Variants in CPT1C observed in about 807,000 individuals in gnomAD.
CPT1C encodes carnitine palmitoyltransferase 1C.
CPT1C carries 61 observed loss-of-function variants against 97.3 expected under a neutral mutation model. That is an observed-to-expected ratio of 0.63 (90% CI 0.51 to 0.78). The LOEUF (loss-of-function observed/expected upper bound fraction) is 0.78. Among genes scored for constraint, CPT1C ranks in the 30% least tolerant of loss-of-function variants. CPT1C has a pLI of 0.00. For missense variants in CPT1C, 975 were observed against 1,065.5 expected (o/e 0.92, Z 1.18); for synonymous variants, 469 against 447.2 (o/e 1.05, Z -0.61).
chr19:49,701,659 G>T lies in CPT1C; in HGVS notation c.693+25G>T, dbSNP rs750356887. 8.9e-6 allele frequency: 14 copies of T among 1,579,034 alleles called. No individual in the cohort carries two copies. The South Asian group carries it at 1.4e-4, about 15-fold the overall frequency. On this transcript the variant is annotated intron_variant, in intron 7 of 19. Transcript: ENST00000598293. ...TGTGAGTCCCGCCACCGCCACCAAC[G>T]CCCCACCTGAAGGGCTAAGGTTGTG... is the stretch of plus-strand genomic sequence containing the variant.
intron 4 of CPT1C, among the ~76,000 whole-genome samples, chr19:49,699,470 A>AAAAAAAC (rs2082872464): frequency 7.0e-6 from 1 of 142,790 alleles, no homozygotes. Context: ...AAAAAAAAAA[A>AAAAAAAC]AAAAAAAAAA....
rs1230235128 is a variant in CPT1C at position 49,706,989 on chromosome 19, T to G, written c.1344-529T>G. ...GCAAGTTTCCTAAAAATCTCCAAAC[T>G]CCAGACTGGGCATGGTGGCTCATGC... On this transcript the variant is annotated intron_variant, in intron 12 of 19. Transcript: ENST00000598293. This position sits in a 1 kb window ranked among gnomAD's most constrained non-coding sequence, Gnocchi z 4.8. Among the ~76,000 whole-genome samples the G allele has an allele frequency of 6.6e-6, 1 of 151,836 alleles. No individual in the cohort carries two copies. The highest frequency in any genetic ancestry group is 2.4e-5 in the African/African-American group (1 of 41,314).
Position 49,700,675 on chromosome 19 carries a change from T to C in CPT1C, c.282-9T>C. ...GACCCAGGCCCAGCCTCTGTTTCTC[T>C]CCCCGCAGGGGTGGACAACACCACG... On this transcript the variant is annotated splice_polypyrimidine_tract_variant and intron_variant, in intron 4 of 19. Transcript: ENST00000598293. 1 of 1,605,586 alleles carries C rather than the reference T, an allele frequency of 6.2e-7. No homozygotes were observed. The highest frequency in any genetic ancestry group is 8.5e-7 in the Non-Finnish European group (1 of 1,179,556).
intron 2 of CPT1C, 83 bp from the exon 3 acceptor site, chr19:49,692,153 AAGG>A: frequency 3.5e-6 from 5 of 1,424,452 alleles, no homozygotes; most frequent in Non-Finnish European, 4.8e-6. Flanking sequence ...CCTGGGTATG[AAGG>A]AGGAGGAGGG....
rs12978911 is a variant in CPT1C at position 49,706,396 on chromosome 19, C to T, written c.1326C>T (p.Ala442=). The change falls in exon 12 of 20, where the codon GCC becomes GCT. Residue 442 remains alanine (A), a synonymous_variant. Coordinates refer to ENST00000598293, the MANE Select transcript of CPT1C (RefSeq NM_001199753.2). The surrounding 1 kb of genome is among the most constrained non-coding windows in gnomAD (Gnocchi z 4.8). ...ATGCCTACGCCCATGCTCTGCTGGC[C>T]GGCCGGGGCCATGATCGGTGAGTGA... ...SLDAYAHALL[A]GRGHDRWFDK... The T allele has an allele frequency of 0.16, 236,248 of 1,488,592 alleles. 20,527 individuals carry two copies. Among genetic ancestry groups the T allele is most frequent in the Non-Finnish European group, 0.18 (201,197 of 1,126,244 alleles). 92.2% of individuals were successfully genotyped at this position (1,488,592 alleles called of 1,614,324 possible). A position where few individuals can be genotyped will look rare whatever the true frequency, so the allele number is the denominator to read the frequency against.
intron 17 of CPT1C, chr19:49,712,203 T>C (rs113691887): frequency 0.049 from 23,848 of 483,974 alleles, 1,109 homozygotes; most frequent in South Asian, 0.13. Context: ...ATTAGCTGGG[T>C]ATGGTGACAG....
chr19:49,701,063 C>CTT (rs2083007063), intron 5 of CPT1C, among the ~76,000 whole-genome samples: 12 of 86,338 alleles, frequency 1.4e-4, no homozygotes, highest in Admixed American at 4.2e-4. Flanking sequence ...CTCTGTGTCT[C>CTT]CGTCCCCCCC....
At chr19:49,693,088 A>C (rs990256403) in intron 3 of CPT1C, among the ~76,000 whole-genome samples, 3 of 152,114 alleles carry the variant, frequency 2.0e-5, no homozygotes, top group African/African-American at 7.2e-5. Flanking sequence ...GGGTTTCAAC[A>C]TGTTGGCCAG....
At position 49,692,515 on chromosome 19, in the gene CPT1C, A is replaced by G. The variant is rs1046692061; in HGVS notation, c.141+122A>G. The G allele has an allele frequency of 1.0e-5, 13 of 1,252,404 alleles. No homozygotes were observed. In the African/African-American group the frequency reaches 1.8e-4, roughly 17 times the overall value. 77.6% of individuals were successfully genotyped at this position (1,252,404 alleles called of 1,614,324 possible). On this transcript the variant is annotated intron_variant, in intron 3 of 19. Coordinates refer to ENST00000598293, the MANE Select transcript of CPT1C (RefSeq NM_001199753.2). ...TGGGAGACTATCACCCCTTTTTCTT[A>G]GAATTTTGATGTCTGCTCCCAGGAC... is the stretch of plus-strand genomic sequence containing the variant.
At chr19:49,696,157 A>C (rs1455489970) in intron 3 of CPT1C, among the ~76,000 whole-genome samples, 1 of 152,160 alleles carries the variant, frequency 6.6e-6, no homozygotes, top group African/African-American at 2.4e-5. Context: ...GATTACAGGC[A>C]TGAGCTACTG....
At chr19:49,699,622 A>G (rs940952111) in intron 4 of CPT1C, among the ~76,000 whole-genome samples, 1 of 152,086 alleles carries the variant, frequency 6.6e-6, no homozygotes, top group African/African-American at 2.4e-5. Context: ...CTTTTCCTAA[A>G]TTTAAGCTTG....
chr19:49,701,972 T>A (rs1255505868), intron 7 of CPT1C, among the ~76,000 whole-genome samples: 49 of 98,632 alleles, frequency 5.0e-4, no homozygotes, highest in African/African-American at 1.6e-3. Context: ...ATATATAAAT[T>A]TATAAATAAA....
intron 10 of CPT1C, 95 bp downstream of exon 10, chr19:49,705,393 T>C (rs2083444134): frequency 9.6e-7 from 1 of 1,044,606 alleles, no homozygotes; most frequent in South Asian, 1.6e-5. Flanking sequence ...TGGGAACCAT[T>C]GCTTCCTTGC....
At position 49,706,413 on chromosome 19, in the gene CPT1C, G is replaced by A. The variant is rs943269432; in HGVS notation, c.1343G>A (p.Arg448His). 5 of 1,478,522 alleles carry A rather than the reference G, an allele frequency of 3.4e-6. No homozygotes were observed. Among genetic ancestry groups the A allele is most frequent in the South Asian group, 2.7e-5 (2 of 72,894 alleles). The allele number at this position is 1,478,522 out of a possible 1,614,324, so 91.6% of individuals were successfully genotyped here. A position where few individuals can be genotyped will look rare whatever the true frequency, so the allele number is the denominator to read the frequency against. ...CTGCTGGCCGGCCGGGGCCATGATC[G>A]GTGAGTGAGTCTTGGGATGGGGCCC... Reference protein sequence around the residue: ...HALLAGRGHDRWFDKSFTLIV... With the variant: ...HALLAGRGHDHWFDKSFTLIV... Residue 448 changes from arginine to histidine, a missense_variant and splice_region_variant, in exon 12 of 20, where the codon CGC becomes CAC. Around this residue, in one of 3 missense-constraint regions of CPT1C, gnomAD observed 596 missense variants for 603.1 expected, o/e 0.99. Coordinates refer to ENST00000598293, the MANE Select transcript of CPT1C (RefSeq NM_001199753.2). This position sits in a 1 kb window ranked among gnomAD's most constrained non-coding sequence, Gnocchi z 4.8.
Position 49,701,387 on chromosome 19 carries a change from C to T in CPT1C, c.524C>T (p.Pro175Leu), listed in dbSNP as rs781241338. Reference sequence around the variant, plus strand: ...TACCAGCGCTCCCTGCCACGCCAGCCCGTGCCCTCTGTGCAGGACACCGTG... The same window carrying T: ...TACCAGCGCTCCCTGCCACGCCAGCTCGTGCCCTCTGTGCAGGACACCGTG... ...FSYQRSLPRQ[P>L]VPSVQDTVRK... is the part of the protein sequence containing the mutation. Residue 175 changes from proline to leucine, a missense_variant, in exon 6 of 20, where the codon CCC becomes CTC. Around this residue, in one of 3 missense-constraint regions of CPT1C, gnomAD observed 596 missense variants for 603.1 expected, o/e 0.99. Transcript: ENST00000598293. 1.2e-6 allele frequency: 2 copies of T among 1,613,622 alleles called. No individual in the cohort carries two copies. Among genetic ancestry groups the T allele is most frequent in the South Asian group, 1.1e-5 (1 of 91,052 alleles).
In CPT1C at chr19:49,712,795, G is replaced by A; in HGVS notation, c.2079G>A (p.Leu693=). The A allele has an allele frequency of 6.2e-7, 1 of 1,614,094 alleles. No individual in the cohort carries two copies. The highest frequency in any genetic ancestry group is 8.5e-7 in the Non-Finnish European group (1 of 1,180,018). Residue 693 remains leucine, a synonymous_variant, in exon 18 of 20, where the codon CTG becomes CTA. Coordinates refer to ENST00000598293, the MANE Select transcript of CPT1C (RefSeq NM_001199753.2). The stretch of plus-strand genomic sequence containing the variant: ...AGATCCCTGTTCAGCAAATGCATCT[G>A]TTTGACGTCCACAATTACCCGGACT... ...TSQIPVQQMH[L]FDVHNYPDYV...
chr19:49,711,585 C>CT, intron 16 of CPT1C: 1 of 573,264 alleles, frequency 1.7e-6, no homozygotes, highest in Non-Finnish European at 3.1e-6. Context: ...AGTTTGGACT[C>CT]TGGGGCCAGA....
At position 49,701,366 on chromosome 19, in the gene CPT1C, A is replaced by G. The variant is rs2083040861; in HGVS notation, c.503A>G (p.Gln168Arg). 2 of 1,613,506 alleles carry G rather than the reference A, an allele frequency of 1.2e-6. No individual in the cohort carries two copies. The highest frequency in any genetic ancestry group is 1.7e-5 in the Admixed American group (1 of 59,978). Residue 168 changes from glutamine to arginine, a missense_variant, in exon 6 of 20, where the codon CAG (glutamine) becomes CGG (arginine). By Grantham distance (43) the Gln-to-Arg change is conservative. This residue lies in a region of CPT1C where 596 missense variants were observed against 603.1 expected (regional missense o/e 0.99). Coordinates refer to ENST00000598293, the MANE Select transcript of CPT1C (RefSeq NM_001199753.2). ...CGCCACCCGATGCTGTTCAGTTACCAGCGCTCCCTGCCACGCCAGCCCGTG... is the reference window on the plus strand; with the variant it reads ...CGCCACCCGATGCTGTTCAGTTACCGGCGCTCCCTGCCACGCCAGCCCGTG... Reference protein sequence around the residue: ...SGRHPMLFSYQRSLPRQPVPS... With the variant: ...SGRHPMLFSYRRSLPRQPVPS...
Position 49,701,992 on chromosome 19 carries a change from A to AAATATATATTTAT in CPT1C, c.693+358_693+359insAATATATATTTAT, listed in dbSNP as rs1568520679. Among the ~76,000 whole-genome samples the AAATATATATTTAT allele has an allele frequency of 1.4e-3, 53 of 37,906 alleles. 2 individuals are homozygous for AAATATATATTTAT. The highest frequency in any genetic ancestry group is 4.1e-3 in the African/African-American group (53 of 12,984). 24.9% of individuals were successfully genotyped at this position (37,906 alleles called of 152,430 possible). On this transcript the variant is annotated intron_variant, in intron 7 of 19. Transcript: ENST00000598293. Reference sequence around the variant, plus strand: ...TAAATTTATAAATAAATATATAAATATTATAAATATATTAAATATATTTAT... The same window carrying AAATATATATTTAT: ...TAAATTTATAAATAAATATATAAATAAATATATATTTATTTATAAATATATTAAATATATTTAT...
Sources: gnomAD v4.1 joint callset for allele counts (sites outside exome capture counted in the v4.1 genomes callset) on GRCh38, gnomAD v4.1.1 for gene constraint, gnomAD v4.1.1 regional missense constraint, Gnocchi (gnomAD v3.1) non-coding constraint, MANE v1.5 for transcripts, NCBI Gene and HGNC (gene_info 2026-07-23, HGNC 2026-07-21) for gene names.